CTNNA3: variants seen among roughly 807,000 people sequenced by gnomAD.
The protein encoded by CTNNA3 is catenin alpha 3.
CTNNA3 carries 76 observed loss-of-function variants against 95.7 expected under a neutral mutation model. That is an observed-to-expected ratio of 0.79 (90% CI 0.66 to 0.96). CTNNA3 has a LOEUF of 0.96. CTNNA3 is among the 40% of genes least tolerant of loss of function. The pLI is 0.00. For synonymous variants in CTNNA3, 431 were observed against 374.4 expected (o/e 1.15, Z -1.74); for missense variants, 1,191 against 1,089.8 (o/e 1.09, Z -1.31).
At chr10:66,772,038 GC>G (rs869134622) in intron 8 of CTNNA3, among the ~76,000 whole-genome samples, 3 of 40,710 alleles carry the variant, frequency 7.4e-5, no homozygotes, top group African/African-American at 4.6e-4. Flanking sequence ...AAGGCATCAA[GC>G]TGTACAAGTC....
In CTNNA3 at chr10:66,525,678, AT is replaced by A. The variant is rs1841231300; in HGVS notation, c.1375-4906del. The stretch of plus-strand genomic sequence containing the variant: ...GAGAGAGAAAGAATATATATATAAA[AT>A]TCGCTAAGTTAACCATTTATAAAAC... On this transcript the variant is annotated intron_variant, in intron 10 of 17. Coordinates refer to ENST00000433211, the MANE Select transcript of CTNNA3 (RefSeq NM_013266.4). Among the ~76,000 whole-genome samples the A allele has an allele frequency of 3.3e-5, 5 of 152,272 alleles. No individual in the cohort carries two copies. The South Asian group carries it at 1.0e-3, about 32-fold the overall frequency.
intron 10 of CTNNA3, among the ~76,000 whole-genome samples, chr10:66,597,434 T>C (rs1163216436): frequency 6.8e-6 from 1 of 147,658 alleles, no homozygotes; most frequent in East Asian, 2.0e-4. Flanking sequence ...CTCAGCACTT[T>C]GGTAGGCTGA....
chr10:67,437,011 A>G (rs1846326202), intron 5 of CTNNA3, among the ~76,000 whole-genome samples: 1 of 152,178 alleles, frequency 6.6e-6, no homozygotes. Flanking sequence ...ATTCGAAAAG[A>G]TACTTGCACA....
At chr10:66,367,641 T>A (rs2092719449) in intron 12 of CTNNA3, among the ~76,000 whole-genome samples, 2 of 149,376 alleles carry the variant, frequency 1.3e-5, no homozygotes, top group African/African-American at 4.9e-5. Context: ...ATATAGGAAA[T>A]GAACAAATAC....
At chr10:67,149,932 G>A (rs1342881388) in intron 7 of CTNNA3, among the ~76,000 whole-genome samples, 1 of 152,108 alleles carries the variant, frequency 6.6e-6, no homozygotes, top group East Asian at 1.9e-4. Flanking sequence ...TTCTTATTTA[G>A]AATTTTAATA....
intron 13 of CTNNA3, among the ~76,000 whole-genome samples, chr10:66,152,337 G>T (rs932240962): frequency 2.0e-5 from 3 of 151,878 alleles, no homozygotes; most frequent in Admixed American, 1.3e-4. Context: ...AATTGTAAAT[G>T]ATATACTATG....
At chr10:66,203,849 A>C (rs1352645961) in intron 13 of CTNNA3, among the ~76,000 whole-genome samples, 1 of 152,114 alleles carries the variant, frequency 6.6e-6, no homozygotes, top group East Asian at 1.9e-4. Context: ...CTCTGTAGAG[A>C]CCTAATGATG....
intron 13 of CTNNA3, among the ~76,000 whole-genome samples, chr10:66,222,599 C>CAAAAGAAAGAAA (rs2089002490): frequency 1.2e-5 from 1 of 82,840 alleles, no homozygotes; most frequent in African/African-American, 4.1e-5. Flanking sequence ...AAAGAAAGAA[C>CAAAAGAAAGAAA]GAAAGAAAGA....
chr10:66,730,623 C>T (rs907921390), intron 9 of CTNNA3, among the ~76,000 whole-genome samples: 1 of 152,086 alleles, frequency 6.6e-6, no homozygotes. Context: ...TAAAAAAAGA[C>T]CAGTCCTGTC....
intron 5 of CTNNA3, among the ~76,000 whole-genome samples, chr10:67,302,010 A>AGAAC (rs1840322828): frequency 6.4e-5 from 1 of 15,552 alleles, no homozygotes; most frequent in African/African-American, 3.9e-4. Context: ...AACGAAAGAA[A>AGAAC]GAAAGAAAGA....
At chr10:67,726,852 T>G (rs1281125934) in intron 1 of CTNNA3, among the ~76,000 whole-genome samples, 2 of 113,646 alleles carry the variant, frequency 1.8e-5, no homozygotes, top group African/African-American at 7.2e-5. Flanking sequence ...ATAGTATAAT[T>G]ATACATTATA....
At chr10:67,736,961 T>C (rs1211618761) in intron 1 of CTNNA3, among the ~76,000 whole-genome samples, 2 of 152,028 alleles carry the variant, frequency 1.3e-5, no homozygotes, top group African/African-American at 4.8e-5. Context: ...AGTACCTTTT[T>C]ATTTTAATTT....
At chr10:66,866,536 T>C (rs748005505) in intron 7 of CTNNA3, among the ~76,000 whole-genome samples, 1 of 152,214 alleles carries the variant, frequency 6.6e-6, no homozygotes, top group Non-Finnish European at 1.5e-5. Context: ...GACAACTGGT[T>C]GAATACCTTA....
chr10:67,010,913 G>A (rs1852284313), intron 7 of CTNNA3, among the ~76,000 whole-genome samples: 1 of 151,986 alleles, frequency 6.6e-6, no homozygotes, highest in African/African-American at 2.4e-5. Context: ...CCTAACAATT[G>A]AATTGACATT....
intron 7 of CTNNA3, among the ~76,000 whole-genome samples, chr10:66,799,752 A>T (rs1190765955): frequency 6.6e-6 from 1 of 151,476 alleles, no homozygotes; most frequent in Non-Finnish European, 1.5e-5. Context: ...AAGCACACAG[A>T]TTCAAAAATC....
At chr10:66,060,556 C>T (rs1490792554) in intron 15 of CTNNA3, among the ~76,000 whole-genome samples, 1 of 151,892 alleles carries the variant, frequency 6.6e-6, no homozygotes, top group African/African-American at 2.4e-5. Flanking sequence ...AATGACATAG[C>T]CAATCGGAGA....
At chr10:67,261,836 C>T (rs2170135) in intron 5 of CTNNA3, among the ~76,000 whole-genome samples, 10,706 of 152,108 alleles carry the variant, frequency 0.07, 631 homozygotes, top group African/African-American at 0.16. Context: ...GGCTCATTTT[C>T]AGTGATGCTG....
At chr10:67,478,332 C>T (rs558775074) in intron 5 of CTNNA3, among the ~76,000 whole-genome samples, 13 of 151,998 alleles carry the variant, frequency 8.6e-5, no homozygotes, top group South Asian at 6.3e-4. Context: ...ATGTATAGTC[C>T]GGTGACTACT....
chr10:66,902,717 A>G (rs1400818080), intron 7 of CTNNA3, among the ~76,000 whole-genome samples: 2 of 152,248 alleles, frequency 1.3e-5, no homozygotes, highest in African/African-American at 2.4e-5. Flanking sequence ...CCGATCCCAC[A>G]GAAATACAAA....
Sources: gnomAD v4.1 joint callset for allele counts (sites outside exome capture counted in the v4.1 genomes callset) on GRCh38, gnomAD v4.1.1 for gene constraint, MANE v1.5 for transcripts, NCBI Gene and HGNC (gene_info 2026-07-23, HGNC 2026-07-21) for gene names.